MTA3: variants seen among roughly 807,000 people sequenced by gnomAD.
The protein encoded by MTA3 is metastasis associated 1 family member 3, also known as metastasis-associated protein MTA3.
A neutral mutation model predicts 83.5 loss-of-function variants in MTA3; 34 were observed. The ratio of observed to expected loss-of-function variants is 0.41; its 90% CI spans 0.31 to 0.54. The LOEUF (loss-of-function observed/expected upper bound fraction) is 0.54, where lower values mean the gene tolerates loss of function less well. Among genes scored for constraint, MTA3 ranks in the 20% least tolerant of loss-of-function variants. MTA3 has a pLI of 0.33. For missense variants in MTA3, 761 were observed against 726.4 expected (o/e 1.05, Z -0.55); for synonymous variants, 303 against 252.7 (o/e 1.20, Z -1.89).
upstream of MTA3, among the ~76,000 whole-genome samples, chr2:42,566,664 C>T (rs1306116331): frequency 6.6e-6 from 1 of 152,186 alleles, no homozygotes; most frequent in Non-Finnish European, 1.5e-5. Context: ...TCATAAACAC[C>T]TGGCAAGAGC....
intron 1 of MTA3, 65 bp from the exon 2 acceptor site, chr2:42,570,372 T>G: frequency 1.9e-6 from 2 of 1,025,664 alleles, no homozygotes; most frequent in Non-Finnish European, 2.9e-6. Flanking sequence ...ACATAAAAAG[T>G]CTTGGATTGA....
upstream of MTA3, among the ~76,000 whole-genome samples, chr2:42,564,741 T>C (rs1247653519): frequency 6.6e-6 from 1 of 152,226 alleles, no homozygotes; most frequent in African/African-American, 2.4e-5. Context: ...GGGTTCAGTA[T>C]GACAGAACTC....
At chr2:42,588,165 A>C (rs191919025) in intron 3 of MTA3, among the ~76,000 whole-genome samples, 140 of 152,280 alleles carry the variant, frequency 9.2e-4, no homozygotes, top group Middle Eastern at 3.4e-3. Flanking sequence ...GAATCCTTGA[A>C]ATAATATACC....
intron 5 of MTA3, among the ~76,000 whole-genome samples, chr2:42,643,639 G>GT (rs1189605239): frequency 6.6e-6 from 1 of 152,172 alleles, no homozygotes; most frequent in African/African-American, 2.4e-5. Flanking sequence ...CCACATGTAA[G>GT]TTCAACTCAT....
intron 2 of MTA3, among the ~76,000 whole-genome samples, chr2:42,528,867 T>G (rs1194266402): frequency 6.6e-6 from 1 of 152,052 alleles, no homozygotes; most frequent in Non-Finnish European, 1.5e-5. Context: ...GTCAGAGAAT[T>G]TATGGACAGA....
intron 5 of MTA3, among the ~76,000 whole-genome samples, chr2:42,641,662 G>A (rs754582014): frequency 2.8e-4 from 43 of 152,012 alleles, no homozygotes; most frequent in Non-Finnish European, 5.1e-4. Context: ...CCTGACCAAC[G>A]TGGTGAAAGC....
rs66547039 is a variant in MTA3, at chr2:42,695,748, A to AT, written c.892-4dup. The AT allele has an allele frequency of 0.019, 22,656 of 1,202,468 alleles. 1 individual carries two copies. The highest frequency in any genetic ancestry group is 0.032 in the East Asian group (982 of 30,786). 74.5% of individuals were successfully genotyped at this position (1,202,468 alleles called of 1,614,324 possible). On this transcript the variant is annotated splice_polypyrimidine_tract_variant and intron_variant, in intron 9 of 16. Transcript: ENST00000405094. ...ATATGTTAACATAGATGATAGGTTG[A>AT]TTTTTTTTTTTTTCAGCTTCCTTGG...
intron 16 of MTA3, among the ~76,000 whole-genome samples, chr2:42,746,929 A>G (rs1669478456): frequency 6.6e-6 from 1 of 152,128 alleles, no homozygotes; most frequent in Admixed American, 6.5e-5. Flanking sequence ...ATGTGATTGG[A>G]CAAAAAGGGT....
chr2:42,741,418 G>T (rs895797373), intron 16 of MTA3, among the ~76,000 whole-genome samples: 2 of 152,274 alleles, frequency 1.3e-5, no homozygotes, highest in East Asian at 3.9e-4. Flanking sequence ...TAACTGTTTG[G>T]TGCAAGAGGC....
intron 9 of MTA3, among the ~76,000 whole-genome samples, chr2:42,693,089 TCTCCCTCTC>T: frequency 6.6e-6 from 1 of 151,904 alleles, no homozygotes; most frequent in Admixed American, 6.6e-5. Flanking sequence ...TGTCTCTCCC[TCTCCCTCTC>T]CCTCTTCCCC....
intron 9 of MTA3, among the ~76,000 whole-genome samples, chr2:42,689,141 A>G (rs943127522): frequency 1.3e-5 from 2 of 152,192 alleles, no homozygotes; most frequent in Admixed American, 6.5e-5. Flanking sequence ...ACATTGATTA[A>G]TTTATGATTG....
chr2:42,620,200 C>T (rs978174775), intron 4 of MTA3, among the ~76,000 whole-genome samples: 1 of 151,240 alleles, frequency 6.6e-6, no homozygotes, highest in African/African-American at 2.4e-5. Context: ...CTCACTGCAA[C>T]CTCTGCCACC....
intron 4 of MTA3, among the ~76,000 whole-genome samples, chr2:42,614,925 C>G (rs13020724): frequency 0.33 from 49,885 of 149,940 alleles, 8,407 homozygotes; most frequent in South Asian, 0.41. Flanking sequence ...TATAGTGAGC[C>G]ATGATTGTGA....
chr2:42,711,786 G>GTT (rs1356841847), intron 14 of MTA3, among the ~76,000 whole-genome samples: 13 of 149,626 alleles, frequency 8.7e-5, no homozygotes, highest in East Asian at 5.9e-4. Flanking sequence ...GAGAGAGAGT[G>GTT]TGTGTGTGTG....
chr2:42,532,815 G>C (rs1676040124), intron 2 of MTA3: 1 of 405,820 alleles, frequency 2.5e-6, no homozygotes, highest in Non-Finnish European at 4.9e-6. Context: ...CTTCCCATTG[G>C]TTCTCTCACA....
At chr2:42,562,587 C>G (rs1050263426) in intron 2 of MTA3, among the ~76,000 whole-genome samples, 1 of 152,194 alleles carries the variant, frequency 6.6e-6, no homozygotes, top group African/African-American at 2.4e-5. Flanking sequence ...GCTTATGTGG[C>G]TCTGCCCACA....
At chr2:42,731,814 T>C (rs1293227732) in intron 16 of MTA3, among the ~76,000 whole-genome samples, 1 of 152,148 alleles carries the variant, frequency 6.6e-6, no homozygotes. Context: ...TCAAGGCAAG[T>C]CCCTTCTCCC....
intron 15 of MTA3, among the ~76,000 whole-genome samples, chr2:42,720,370 A>G (rs777055391): frequency 6.8e-4 from 104 of 151,996 alleles, no homozygotes; most frequent in Admixed American, 2.7e-3. Context: ...TTTAGTAGAG[A>G]CGGGGTTTCA....
chr2:42,511,353 C>CAAAAAAA, intron 2 of MTA3, among the ~76,000 whole-genome samples: 1 of 129,228 alleles, frequency 7.7e-6, no homozygotes, highest in African/African-American at 2.8e-5. Context: ...CTTTCTACGT[C>CAAAAAAA]AAAAAAAAAA....
Sources: gnomAD v4.1 joint callset for allele counts (sites outside exome capture counted in the v4.1 genomes callset) on GRCh38, gnomAD v4.1.1 for gene constraint, MANE v1.5 for transcripts, NCBI Gene and HGNC (gene_info 2026-07-23, HGNC 2026-07-21) for gene names.